Variants in RAG1 observed in about 807,000 individuals in gnomAD.
The protein encoded by RAG1 is recombination activating 1, also known as V(D)J recombination-activating protein 1.
Under a neutral mutation model 62.7 loss-of-function variants are expected in RAG1, and 35 were observed. The ratio of observed to expected loss-of-function variants is 0.56; its 90% CI spans 0.43 to 0.74. The LOEUF (loss-of-function observed/expected upper bound fraction) is 0.74. Among genes scored for constraint, RAG1 ranks in the 30% least tolerant of loss-of-function variants. The pLI is 0.00. For missense variants in RAG1, 1,169 were observed against 1,278.6 expected (o/e 0.91, Z 1.31); for synonymous variants, 461 against 470.3 (o/e 0.98, Z 0.26).
chr11:36,560,416 A>G (rs114155396), intron 3 of RAG1, among the ~76,000 whole-genome samples: 1,922 of 152,232 alleles, frequency 0.013, 32 homozygotes, highest in African/African-American at 0.044. Flanking sequence ...TTTGCAGCTG[A>G]ACCACTGAAT....
intron 1 of RAG1, among the ~76,000 whole-genome samples, chr11:36,518,380 G>T (rs1365712472): frequency 1.3e-5 from 2 of 152,162 alleles, no homozygotes; most frequent in Non-Finnish European, 2.9e-5. Flanking sequence ...TGGGTCAAAT[G>T]ATATTTCTAG....
intron 2 of RAG1, among the ~76,000 whole-genome samples, chr11:36,531,401 T>A (rs2133256214): frequency 6.6e-6 from 1 of 152,052 alleles, no homozygotes; most frequent in Non-Finnish European, 1.5e-5. Flanking sequence ...ATTTCTCTGT[T>A]TTCTTTTTTC....
chr11:36,571,848 C>G (rs1223139772), intron 1 of RAG1, among the ~76,000 whole-genome samples: 1 of 152,132 alleles, frequency 6.6e-6, no homozygotes, highest in Non-Finnish European at 1.5e-5. Context: ...GAACTCCTGA[C>G]CTCAAGTGAT....
At chr11:36,570,532 T>C (rs4151011) in intron 1 of RAG1, among the ~76,000 whole-genome samples, 4,017 of 152,278 alleles carry the variant, frequency 0.026, 183 homozygotes, top group African/African-American at 0.091. Flanking sequence ...TTTGGATAAA[T>C]ACCCAGTAGT....
At chr11:36,557,708 A>G (rs1029923528) in intron 3 of RAG1, among the ~76,000 whole-genome samples, 6 of 152,190 alleles carry the variant, frequency 3.9e-5, no homozygotes, top group African/African-American at 1.4e-4. Flanking sequence ...AATTCAACAT[A>G]TGAATTTACA....
At chr11:36,531,907 A>G (rs1244643416) in intron 2 of RAG1, among the ~76,000 whole-genome samples, 1 of 151,958 alleles carries the variant, frequency 6.6e-6, no homozygotes, top group Admixed American at 6.6e-5. Flanking sequence ...GAATGCTTCT[A>G]ATTTTTTTTT....
intron 3 of RAG1, among the ~76,000 whole-genome samples, chr11:36,544,782 G>A (rs550251506): frequency 1.1e-3 from 172 of 152,274 alleles, no homozygotes; most frequent in African/African-American, 4.0e-3. Context: ...ATCATGGCGG[G>A]GCTTCCCCCA....
At chr11:36,541,689 T>G (rs1860420535) in intron 3 of RAG1, among the ~76,000 whole-genome samples, 1 of 152,108 alleles carries the variant, frequency 6.6e-6, no homozygotes, top group African/African-American at 2.4e-5. Context: ...TTGCCCCCAC[T>G]CTTAGTTGCC....
Position 36,573,857 on chromosome 11 carries a change from A to G in RAG1, c.553A>G (p.Arg185Gly). The G allele has an allele frequency of 6.2e-7, 1 of 1,614,212 alleles. No homozygotes were observed. ...FCHNCWSIMHRKFSSAPCEVY... is the reference protein window; with the variant it reads ...FCHNCWSIMHGKFSSAPCEVY... ...CCATAACTGCTGGAGCATCATGCACAGGAAGTTTAGCAGTGCCCCATGTGA... is the reference window on the plus strand; with the variant it reads ...CCATAACTGCTGGAGCATCATGCACGGGAAGTTTAGCAGTGCCCCATGTGA... Residue 185 changes from arginine (R) to glycine (G), a missense_variant, in exon 2 of 2, where the codon AGG (arginine) becomes GGG (glycine). Coordinates refer to ENST00000299440, the MANE Select transcript of RAG1 (RefSeq NM_000448.3).
intron 3 of RAG1, among the ~76,000 whole-genome samples, chr11:36,545,111 A>T (rs941824693): frequency 1.3e-5 from 2 of 152,232 alleles, no homozygotes; most frequent in African/African-American, 4.8e-5. Flanking sequence ...TCAGTATTTT[A>T]TTATTACAAA....
downstream of RAG1, among the ~76,000 whole-genome samples, chr11:36,538,104 T>A (rs991633082): frequency 1.3e-5 from 2 of 152,160 alleles, no homozygotes; most frequent in Non-Finnish European, 2.9e-5. Flanking sequence ...ATGTTGCAAT[T>A]TTTCTTCTGT....
At position 36,574,724 on chromosome 11, in the gene RAG1, C is replaced by T. The variant is rs199474678; in HGVS notation, c.1420C>T (p.Arg474Cys). The T allele has an allele frequency of 4.0e-5, 65 of 1,614,092 alleles. No individual in the cohort carries two copies. The highest frequency in any genetic ancestry group is 5.5e-5 in the Non-Finnish European group (65 of 1,180,054). The change falls in exon 2 of 2, where the codon CGT becomes TGT. Residue 474 changes from arginine to cysteine, a missense_variant. By Grantham distance (180) the Arg-to-Cys change is radical (BLOSUM62 -3). Transcript: ENST00000299440. ...GLQPAVCLAI[R>C]VNTFLSCSQY... ...GCAGCCAGCTGTTTGCTTGGCCATC[C>T]GTGTCAACACCTTCCTCAGCTGCAG...
At chr11:36,549,472 C>G (rs1048773162) in intron 3 of RAG1, among the ~76,000 whole-genome samples, 4 of 152,164 alleles carry the variant, frequency 2.6e-5, no homozygotes, top group Non-Finnish European at 5.9e-5. Flanking sequence ...AGGATATGAA[C>G]AGACATTTCT....
At chr11:36,558,210 A>G (rs1850530920) in intron 3 of RAG1, among the ~76,000 whole-genome samples, 1 of 152,202 alleles carries the variant, frequency 6.6e-6, no homozygotes, top group African/African-American at 2.4e-5. Flanking sequence ...TATCCTGGAG[A>G]ATGTTTCATG....
At chr11:36,519,799 C>T (rs750111508) in intron 1 of RAG1, among the ~76,000 whole-genome samples, 1 of 152,028 alleles carries the variant, frequency 6.6e-6, no homozygotes, top group Non-Finnish European at 1.5e-5. Flanking sequence ...ATGAACATAA[C>T]CCCTCCACGC....
intron 3 of RAG1, among the ~76,000 whole-genome samples, chr11:36,557,895 T>C (rs545159778): frequency 2.5e-4 from 38 of 152,228 alleles, no homozygotes; most frequent in Non-Finnish European, 4.3e-4. Flanking sequence ...TCAAACTTTA[T>C]AGTATATTGA....
At chr11:36,534,997 C>G (rs1860305250) in intron 2 of RAG1, among the ~76,000 whole-genome samples, 1 of 152,172 alleles carries the variant, frequency 6.6e-6, no homozygotes, top group Non-Finnish European at 1.5e-5. Flanking sequence ...TAGATCATCA[C>G]AATTTTCTCT....
intron 1 of RAG1, 42 bp from the exon 2 acceptor site, chr11:36,573,249 A>T: frequency 1.3e-6 from 2 of 1,590,386 alleles, no homozygotes; most frequent in Middle Eastern, 1.9e-4. Flanking sequence ...TCAGTGGGAT[A>T]TTGATATTGG....
intron 1 of RAG1, among the ~76,000 whole-genome samples, chr11:36,569,754 C>T (rs1319604776): frequency 6.6e-6 from 1 of 152,026 alleles, no homozygotes; most frequent in African/African-American, 2.4e-5. Context: ...GTGCAAAAGG[C>T]CCTCTTATCA....
Sources: allele counts gnomAD v4.1 joint callset (sites outside exome capture counted in the v4.1 genomes callset), GRCh38; gene constraint gnomAD v4.1.1; transcripts MANE v1.5; gene names NCBI Gene and HGNC (gene_info 2026-07-23, HGNC 2026-07-21).